The following LIPA variants were observed in gnomAD, a reference collection of about 807,000 sequenced individuals.
LIPA encodes lysosomal acid lipase/cholesteryl ester hydrolase.
A neutral mutation model predicts 40.6 loss-of-function variants in LIPA; 26 were observed. That is an observed-to-expected ratio of 0.64 (90% CI 0.47 to 0.89). The LOEUF (loss-of-function observed/expected upper bound fraction) is 0.89. LIPA is among the 40% of genes least tolerant of loss of function. The pLI, the probability that LIPA is intolerant of heterozygous loss-of-function variation, is 0.00. For missense variants in LIPA, 455 were observed against 479.6 expected (o/e 0.95, Z 0.48); for synonymous variants, 188 against 168.4 (o/e 1.12, Z -0.90).
In LIPA at chr10:89,214,795, T is replaced by C. The variant is rs1306747025; in HGVS notation, c.*33A>G. The C allele has an allele frequency of 4.0e-6, 5 of 1,246,252 alleles. No homozygotes were observed. The Admixed American group carries it at 5.1e-5, about 13-fold the overall frequency. The allele number at this position is 1,246,252 out of a possible 1,614,324, so 77.2% of individuals were successfully genotyped here. On this transcript the variant is annotated 3_prime_UTR_variant, in exon 10 of 10. Coordinates refer to ENST00000336233, the MANE Select transcript of LIPA (RefSeq NM_000235.4). ...AACACATTTTCACATGACATAATCA[T>C]TGACTTGGTGGTACACAGCTCAAGT...
rs752940260 is a variant in LIPA, at chr10:89,228,353, G to C, written c.275C>G (p.Ser92Cys). ...GGCAAGGTTTGTGACCCAGTTACTA[G>C]AATCTGCCAGCAAGCCATGTTGCAG... ...VFLQHGLLAD[S>C]SNWVTNLANS... is the part of the protein sequence containing the mutation. Residue 92 changes from serine (S) to cysteine (C), a missense_variant, in exon 4 of 10, where the codon TCT (serine) becomes TGT (cysteine). Transcript: ENST00000336233. 2.5e-6 allele frequency: 4 copies of C among 1,614,096 alleles called. No individual in the cohort carries two copies. The highest frequency in any genetic ancestry group is 2.7e-5 in the African/African-American group (2 of 74,930).
chr10:89,265,634 T>C (rs898583430), intron 1 of LIPA, among the ~76,000 whole-genome samples: 3 of 152,236 alleles, frequency 2.0e-5, no homozygotes, highest in African/African-American at 4.8e-5. Context: ...CTAGTGAGTA[T>C]TGATAATATG....
intron 7 of LIPA, 54 bp from the exon 8 acceptor site, chr10:89,222,636 GATA>G (rs908649053): frequency 1.8e-6 from 2 of 1,113,484 alleles, no homozygotes; most frequent in African/African-American, 3.1e-5. Context: ...AGGTGGCATT[GATA>G]ATAAACATTG....
At chr10:89,228,477 G>T (rs202009960) in intron 3 of LIPA, 79 bp from the exon 4 acceptor site, 25 of 1,167,850 alleles carry the variant, frequency 2.1e-5, no homozygotes, top group Non-Finnish European at 6.4e-6. Flanking sequence ...TAGAACATTC[G>T]TAAAAGATCC....
At chr10:89,369,397 T>C (rs1040915310) in intron 2 of LIPA, among the ~76,000 whole-genome samples, 1 of 152,194 alleles carries the variant, frequency 6.6e-6, no homozygotes, top group African/African-American at 2.4e-5. Flanking sequence ...CCTATTCTAC[T>C]GGACACTGAT....
At chr10:89,296,136 T>C (rs1332672270) in intron 1 of LIPA, among the ~76,000 whole-genome samples, 1 of 152,196 alleles carries the variant, frequency 6.6e-6, no homozygotes, top group East Asian at 1.9e-4. Context: ...GCATTTCCAC[T>C]TTCCTATTTC....
At chr10:89,360,734 A>C (rs529179639) in intron 2 of LIPA, among the ~76,000 whole-genome samples, 1 of 152,206 alleles carries the variant, frequency 6.6e-6, no homozygotes, top group Non-Finnish European at 1.5e-5. Flanking sequence ...ACAGCAGTCA[A>C]TCTCAATGAT....
At chr10:89,340,557 C>CAAAAAAAAAAAAAAAAAAAAAAAAA in intron 1 of LIPA, 1 of 60,626 alleles carries the variant, frequency 1.6e-5, no homozygotes, top group Non-Finnish European at 3.2e-5. Context: ...GACTCCATCT[C>CAAAAAAAAAAAAAAAAAAAAAAAAA]AAAAAAAAAA....
At chr10:89,296,636 G>A (rs893956514) in intron 1 of LIPA, among the ~76,000 whole-genome samples, 1 of 152,132 alleles carries the variant, frequency 6.6e-6, no homozygotes, top group Admixed American at 6.5e-5. Flanking sequence ...TTTTAGGAAG[G>A]ATAGTTTCTT....
At chr10:89,361,837 A>T (rs540701184) in intron 2 of LIPA, among the ~76,000 whole-genome samples, 30 of 124,728 alleles carry the variant, frequency 2.4e-4, no homozygotes, top group Admixed American at 4.2e-4. Context: ...GAAAACAGCT[A>T]TGGGGAAAAA....
intron 1 of LIPA, among the ~76,000 whole-genome samples, chr10:89,263,917 C>T (rs1258722149): frequency 3.3e-5 from 5 of 152,240 alleles, no homozygotes. Context: ...GTACAGATGC[C>T]AGTTCTGTGC....
rs780855549 is a variant in LIPA at position 89,223,714 on chromosome 10, C to T, written c.792G>A (p.Leu264=). Residue 264 remains leucine (L), a synonymous_variant, in exon 7 of 10, where the codon CTG becomes CTA. Coordinates refer to ENST00000336233, the MANE Select transcript of LIPA (RefSeq NM_000235.4). ...KELCGNLCFL[L]CGFNERNLNM... is the part of the protein sequence containing the mutation. The stretch of plus-strand genomic sequence containing the variant: ...TTAAATTTCTCTCATTAAATCCACA[C>T]AGAAGAAAACAGAGATTTCCACAGA... 7 of 1,613,010 alleles carry T rather than the reference C, an allele frequency of 4.3e-6. No individual in the cohort carries two copies.
In LIPA at chr10:89,340,197, CAG is replaced by C. The variant is rs1200410039; in HGVS notation, c.-2+2412_-2+2413del. 6.1e-6 allele frequency: 9 copies of C among 1,481,588 alleles called. No homozygotes were observed. The African/African-American group carries it at 1.1e-4, about 19-fold the overall frequency. The allele number at this position is 1,481,588 out of a possible 1,614,324, so 91.8% of individuals were successfully genotyped here. ...TGTGACGGGTAGGACGATAGGAAGA[CAG>C]GGGGCCCCAACCTGGGATTGCTGAG... On this transcript the variant is annotated intron_variant, in intron 1 of 5. Transcript: ENST00000282673.
At chr10:89,226,387 G>T (rs1267898776) in intron 5 of LIPA, among the ~76,000 whole-genome samples, 1 of 152,178 alleles carries the variant, frequency 6.6e-6, no homozygotes, top group Non-Finnish European at 1.5e-5. Context: ...AACTCTTGCT[G>T]ACTAGAATTA....
At chr10:89,414,657 G>A, upstream of LIPA, 1 of 837,340 alleles carries the variant, frequency 1.2e-6, no homozygotes, top group East Asian at 3.3e-5. Flanking sequence ...CACGCCGCGC[G>A]GCCGAGTCCA....
chr10:89,328,294 C>T (rs1359107705), intron 1 of LIPA, among the ~76,000 whole-genome samples: 1 of 152,068 alleles, frequency 6.6e-6, no homozygotes. Context: ...TGGTTCCCTA[C>T]GGAACTACAT....
chr10:89,311,285 G>A (rs1473100688), intron 1 of LIPA, among the ~76,000 whole-genome samples: 3 of 152,096 alleles, frequency 2.0e-5, no homozygotes, highest in African/African-American at 4.8e-5. Flanking sequence ...CACTTTGGGA[G>A]GCCAAGGAGG....
intron 2 of LIPA, among the ~76,000 whole-genome samples, chr10:89,395,108 T>C (rs965884442): frequency 6.6e-6 from 1 of 152,182 alleles, no homozygotes; most frequent in East Asian, 1.9e-4. Context: ...ATCTGCTTTA[T>C]ATAACTACCT....
At chr10:89,260,506 G>C (rs1843202075) in intron 1 of LIPA, among the ~76,000 whole-genome samples, 1 of 152,204 alleles carries the variant, frequency 6.6e-6, no homozygotes, top group Non-Finnish European at 1.5e-5. Context: ...GATTAGAACA[G>C]AATGTTGTCT....
Sources: allele counts gnomAD v4.1 joint callset (sites outside exome capture counted in the v4.1 genomes callset), GRCh38; gene constraint gnomAD v4.1.1; transcripts MANE v1.5; gene names NCBI Gene and HGNC (gene_info 2026-07-23, HGNC 2026-07-21).